The following OLA1 variants were observed in gnomAD, a reference collection of about 807,000 sequenced individuals.
OLA1 encodes Obg like ATPase 1.
Under a neutral mutation model 48.4 loss-of-function variants are expected in OLA1, and 14 were observed. The observed-to-expected ratio is 0.29, with a 90% CI of 0.19 to 0.45. OLA1 has a LOEUF of 0.45. Ranked by LOEUF, OLA1 falls within the 20% of genes least tolerant of loss-of-function variation. The probability of loss-of-function intolerance (pLI) is 1.00; values close to 1 mark genes in which losing one functional copy is unlikely to be tolerated. For missense variants in OLA1, 325 were observed against 467.1 expected, an observed-to-expected ratio of 0.70 and a Z score of 2.80; for synonymous variants, 127 against 150.4, an observed-to-expected ratio of 0.84 and a Z score of 1.14.
chr2:174,213,822 A>T (rs1428748813), intron 4 of OLA1, among the ~76,000 whole-genome samples: 3 of 152,156 alleles, frequency 2.0e-5, no homozygotes, highest in South Asian at 4.1e-4. Flanking sequence ...AAAGTTTTTT[A>T]AAAAGGGTAT....
At chr2:174,146,835 C>T (rs976034888) in intron 4 of OLA1, among the ~76,000 whole-genome samples, 2 of 152,128 alleles carry the variant, frequency 1.3e-5, no homozygotes, top group Admixed American at 1.3e-4. Flanking sequence ...GAGAACATTT[C>T]CTCTTTCTAT....
chr2:174,183,325 G>C (rs1046312758), intron 4 of OLA1, among the ~76,000 whole-genome samples: 2 of 152,214 alleles, frequency 1.3e-5, no homozygotes, highest in East Asian at 1.9e-4. Context: ...GCTGTGCAAT[G>C]ATGAGCCAAA....
rs11675247 is a variant in OLA1, at chr2:174,078,957, C to T, written c.1089+11G>A. On this transcript the variant is annotated intron_variant, in intron 10 of 10. Transcript: ENST00000284719. ...ACATTGTGAAATACAAAAATAAAAA[C>T]AATTCTTTACCTTGACTGCATTTTC... 0.18 allele frequency: 281,362 copies of T among 1,586,166 alleles called. 27,013 individuals are homozygous for T. Among genetic ancestry groups the T allele is most frequent in the Middle Eastern group, 0.23 (986 of 4,290 alleles).
intron 4 of OLA1, among the ~76,000 whole-genome samples, chr2:174,198,140 T>G (rs1030633321): frequency 6.6e-6 from 1 of 152,130 alleles, no homozygotes; most frequent in Middle Eastern, 3.2e-3. Context: ...TTTTTATATT[T>G]TTAGTAGAGA....
At chr2:174,228,844 G>A (rs1283375067) in intron 3 of OLA1, among the ~76,000 whole-genome samples, 1 of 152,012 alleles carries the variant, frequency 6.6e-6, no homozygotes, top group Admixed American at 6.6e-5. Context: ...GTTAACAACT[G>A]GGTATACCCT....
At chr2:174,094,571 G>A (rs1281979288) in intron 7 of OLA1, among the ~76,000 whole-genome samples, 1 of 152,202 alleles carries the variant, frequency 6.6e-6, no homozygotes, top group African/African-American at 2.4e-5. Context: ...GCACTGGCAC[G>A]AGACTAGACG....
chr2:174,156,119 T>C (rs1190701993), intron 4 of OLA1, among the ~76,000 whole-genome samples: 1 of 152,210 alleles, frequency 6.6e-6, no homozygotes, highest in African/African-American at 2.4e-5. Context: ...GCCCTCAATG[T>C]ATTTAACTAT....
intron 4 of OLA1, among the ~76,000 whole-genome samples, chr2:174,157,427 C>T (rs1686913425): frequency 6.6e-6 from 1 of 152,124 alleles, no homozygotes; most frequent in African/African-American, 2.4e-5. Context: ...AATTTGAGCA[C>T]TGGTGTTATG....
chr2:174,224,396 C>T (rs1402138759), intron 3 of OLA1, among the ~76,000 whole-genome samples: 1 of 152,144 alleles, frequency 6.6e-6, no homozygotes, highest in African/African-American at 2.4e-5. Flanking sequence ...CATGTAGCTC[C>T]GGCCTTCACT....
intron 10 of OLA1, 40 bp from the exon 11 acceptor site, chr2:174,075,567 AC>A: frequency 8.6e-7 from 1 of 1,161,338 alleles, no homozygotes; most frequent in Non-Finnish European, 1.3e-6. Flanking sequence ...TTATTAGTTT[AC>A]AACTAAATAC....
At chr2:174,192,103 T>C (rs982103460) in intron 4 of OLA1, among the ~76,000 whole-genome samples, 6 of 152,200 alleles carry the variant, frequency 3.9e-5, no homozygotes, top group Admixed American at 6.5e-5. Flanking sequence ...TTTTGTCTCT[T>C]CTATAGATTT....
intron 4 of OLA1, among the ~76,000 whole-genome samples, chr2:174,222,601 C>A (rs942543843): frequency 6.6e-6 from 1 of 152,138 alleles, no homozygotes; most frequent in Non-Finnish European, 1.5e-5. Flanking sequence ...TCTCTTTAAT[C>A]CTTTCATCTC....
At chr2:174,143,586 T>G (rs543483622) in intron 4 of OLA1, among the ~76,000 whole-genome samples, 2 of 152,216 alleles carry the variant, frequency 1.3e-5, no homozygotes, top group Non-Finnish European at 2.9e-5. Context: ...CATAGTGATG[T>G]CCTCAACAAC....
chr2:174,177,842 A>T (rs1476183583), intron 4 of OLA1, among the ~76,000 whole-genome samples: 1 of 152,104 alleles, frequency 6.6e-6, no homozygotes, highest in African/African-American at 2.4e-5. Context: ...ATAAAATCAA[A>T]TACATTTGGA....
At chr2:174,079,526 G>A (rs1684816248) in intron 9 of OLA1, among the ~76,000 whole-genome samples, 1 of 151,788 alleles carries the variant, frequency 6.6e-6, no homozygotes, top group South Asian at 2.1e-4. Context: ...ACATTTTAAA[G>A]GCATTTCCAA....
chr2:174,247,240 C>A, intron 1 of OLA1: 1 of 168,256 alleles, frequency 5.9e-6, no homozygotes, highest in South Asian at 1.7e-4. Flanking sequence ...GGCCATCAGG[C>A]GCGCAGCCTG....
intron 5 of OLA1, among the ~76,000 whole-genome samples, chr2:174,135,787 G>A (rs1356950725): frequency 6.6e-6 from 1 of 152,170 alleles, no homozygotes; most frequent in Non-Finnish European, 1.5e-5. Flanking sequence ...GAAGATAAAA[G>A]GAGGAAGAAT....
intron 7 of OLA1, among the ~76,000 whole-genome samples, chr2:174,097,536 C>T (rs1685284231): frequency 6.6e-6 from 1 of 151,962 alleles, no homozygotes. Context: ...GGTGCAGTGG[C>T]TCATGCTTGT....
At chr2:174,218,749 G>T (rs543274518) in intron 4 of OLA1, among the ~76,000 whole-genome samples, 1 of 152,164 alleles carries the variant, frequency 6.6e-6, no homozygotes, top group South Asian at 2.1e-4. Context: ...TTTACATTAG[G>T]CAGCAAACCC....
Sources: gnomAD v4.1 joint callset for allele counts (sites outside exome capture counted in the v4.1 genomes callset) on GRCh38, gnomAD v4.1.1 for gene constraint, MANE v1.5 for transcripts, NCBI Gene and HGNC (gene_info 2026-07-23, HGNC 2026-07-21) for gene names.